The following NOX4 variants were observed in gnomAD, a reference collection of about 807,000 sequenced individuals.
The protein encoded by NOX4 is kidney oxidase-1.
A neutral mutation model predicts 87.6 loss-of-function variants in NOX4; 69 were observed. The observed-to-expected ratio is 0.79, with a 90% CI of 0.65 to 0.96. The LOEUF (loss-of-function observed/expected upper bound fraction) is 0.96. NOX4 is among the 40% of genes least tolerant of loss of function. The pLI, the probability that NOX4 is intolerant of heterozygous loss-of-function variation, is 0.00. For synonymous variants in NOX4, 275 were observed against 238.2 expected (o/e 1.15, Z -1.42); for missense variants, 680 against 681.5 (o/e 1.00, Z 0.02).
the NOX4 span, among the ~76,000 whole-genome samples, chr11:89,568,638 ATCAAACTATCAAAAAC>A: frequency 6.6e-6 from 1 of 152,348 alleles, no homozygotes; most frequent in East Asian, 1.9e-4. Context: ...TGCTGTTCCT[ATCAAACTATCAAAAAC>A]ATTTTCCACA....
intron 7 of NOX4, among the ~76,000 whole-genome samples, chr11:89,427,792 C>T (rs182862130): frequency 1.2e-4 from 18 of 152,176 alleles, no homozygotes; most frequent in Admixed American, 8.5e-4. Context: ...TGGAAAACAC[C>T]ATGCAAGATA....
the NOX4 span, among the ~76,000 whole-genome samples, chr11:89,586,564 T>C: frequency 6.6e-6 from 1 of 152,138 alleles, no homozygotes; most frequent in Non-Finnish European, 1.5e-5. Flanking sequence ...ACTGGTAATA[T>C]AAAGATCAAG....
At chr11:89,580,527 T>C in the NOX4 span, among the ~76,000 whole-genome samples, 1 of 152,162 alleles carries the variant, frequency 6.6e-6, no homozygotes, top group Non-Finnish European at 1.5e-5. Flanking sequence ...TTTAATAAAC[T>C]AAGAATTAAA....
chr11:89,471,375 C>T (rs566850558), intron 2 of NOX4, among the ~76,000 whole-genome samples: 13 of 151,800 alleles, frequency 8.6e-5, no homozygotes, highest in Admixed American at 2.6e-4. Flanking sequence ...TTCTGAGCAA[C>T]GAAAGTCAAC....
the NOX4 span, among the ~76,000 whole-genome samples, chr11:89,547,817 G>T: frequency 6.6e-6 from 1 of 152,040 alleles, no homozygotes; most frequent in Admixed American, 6.6e-5. Context: ...CTGTGGTTGA[G>T]AATCAGCGCT....
the NOX4 span, among the ~76,000 whole-genome samples, chr11:89,560,972 C>A: frequency 1.0e-4 from 7 of 69,436 alleles, no homozygotes; most frequent in South Asian, 9.7e-4. Context: ...GTCTCTCTCT[C>A]TCTCTCTCTC....
chr11:89,537,441 A>G, the NOX4 span, among the ~76,000 whole-genome samples: 1 of 151,796 alleles, frequency 6.6e-6, no homozygotes, highest in East Asian at 1.9e-4. Context: ...ATAGTTATAC[A>G]TAAGTATCTC....
chr11:89,411,315 T>C (rs1942466518), intron 8 of NOX4, among the ~76,000 whole-genome samples: 1 of 152,118 alleles, frequency 6.6e-6, no homozygotes, highest in South Asian at 2.1e-4. Flanking sequence ...GTGGTTGTTA[T>C]GGAGAGGGAC....
At chr11:89,504,978 G>T in the NOX4 span, among the ~76,000 whole-genome samples, 1 of 151,848 alleles carries the variant, frequency 6.6e-6, no homozygotes, top group African/African-American at 2.4e-5. Flanking sequence ...GCTGGGTTTT[G>T]GTTGCCACCT....
intron 2 of NOX4, among the ~76,000 whole-genome samples, chr11:89,484,365 A>G (rs963997835): frequency 2.0e-4 from 30 of 152,276 alleles, no homozygotes; most frequent in Non-Finnish European, 3.7e-4. Context: ...CAAGTCTCAA[A>G]CAACTATAAT....
At chr11:89,411,068 G>A (rs1454124457) in intron 8 of NOX4, among the ~76,000 whole-genome samples, 3 of 152,158 alleles carry the variant, frequency 2.0e-5, no homozygotes, top group African/African-American at 7.2e-5. Flanking sequence ...GCAGAGGCCT[G>A]AGGCCCTGAT....
At chr11:89,531,653 A>C in the NOX4 span, among the ~76,000 whole-genome samples, 2 of 152,200 alleles carry the variant, frequency 1.3e-5, no homozygotes, top group Non-Finnish European at 2.9e-5. Context: ...ATGGTTTAAA[A>C]GTTTATGGCA....
chr11:89,374,816 T>A (rs188396356), intron 11 of NOX4, among the ~76,000 whole-genome samples: 98 of 152,168 alleles, frequency 6.4e-4, no homozygotes, highest in African/African-American at 2.3e-3. Flanking sequence ...ATGGCACAGG[T>A]GAAAGAAAAT....
At position 89,373,500 on chromosome 11, in the gene NOX4, A is replaced by C; in HGVS notation, c.1075-8T>G. On this transcript the variant is annotated splice_region_variant and splice_polypyrimidine_tract_variant and intron_variant, in intron 11 of 17. Coordinates refer to ENST00000263317, the MANE Select transcript of NOX4 (RefSeq NM_016931.5). Reference sequence around the variant, plus strand: ...TTTGGTTTCAGTTGGACACTAAAAAAAAATACTAGAATCAATTGTGATTAA... The same window carrying C: ...TTTGGTTTCAGTTGGACACTAAAAACAAATACTAGAATCAATTGTGATTAA... 4 of 1,522,242 alleles carry C rather than the reference A, an allele frequency of 2.6e-6. No homozygotes were observed. The South Asian group carries it at 4.5e-5, about 17-fold the overall frequency. The allele number at this position is 1,522,242 out of a possible 1,614,324, so 94.3% of individuals were successfully genotyped here.
chr11:89,421,797 C>G, intron 8 of NOX4, 105 bp downstream of exon 8: 1 of 618,258 alleles, frequency 1.6e-6, no homozygotes, highest in Non-Finnish European at 2.8e-6. Context: ...ATTTCTTTCA[C>G]TCTTGACACT....
intron 5 of NOX4, among the ~76,000 whole-genome samples, chr11:89,440,919 G>T (rs1944427448): frequency 6.6e-6 from 1 of 152,086 alleles, no homozygotes; most frequent in African/African-American, 2.4e-5. Flanking sequence ...CCAATTCAGA[G>T]AAATCTATCC....
In NOX4 at chr11:89,325,827, A is replaced by T. The variant is rs1442777289; in HGVS notation, c.*929T>A. The T allele has an allele frequency of 2.0e-5, 3 of 151,080 alleles. No individual in the cohort carries two copies. The Admixed American group carries it at 2.0e-4, about 10-fold the overall frequency. The allele number at this position is 151,080 out of a possible 1,614,324, so 9.4% of individuals were successfully genotyped here. A position where few individuals can be genotyped will look rare whatever the true frequency, so the allele number is the denominator to read the frequency against. ...AAGACAAACCCTACCTGGGAAAAAA[A>T]CAATAATAATAATAGAGACAAAAAT... On this transcript the variant is annotated 3_prime_UTR_variant, in exon 18 of 18. Transcript: ENST00000263317.
Position 89,372,209 on chromosome 11 carries a change from A to G in NOX4, c.1135+1223T>C, listed in dbSNP as rs557644449. ...CACTGCCTCCTTCCCCTCTGCCTTT[A>G]AGTACCTTCAAGTCTTCCCTTGATT... On this transcript the variant is annotated intron_variant, in intron 12 of 17. Coordinates refer to ENST00000263317, the MANE Select transcript of NOX4 (RefSeq NM_016931.5). 6.6e-5 allele frequency among the ~76,000 whole-genome samples: 10 copies of G among 151,296 alleles called. No individual in the cohort carries two copies. In the South Asian group the frequency reaches 2.1e-3, roughly 32 times the overall value.
intron 5 of NOX4, among the ~76,000 whole-genome samples, chr11:89,442,476 T>C (rs751845756): frequency 7.2e-5 from 11 of 152,108 alleles, no homozygotes; most frequent in Non-Finnish European, 1.2e-4. Context: ...AATCTAAATG[T>C]CTGAATAAGA....
Sources: gnomAD v4.1 joint callset for allele counts (sites outside exome capture counted in the v4.1 genomes callset) on GRCh38, gnomAD v4.1.1 for gene constraint, MANE v1.5 for transcripts, NCBI Gene and HGNC (gene_info 2026-07-23, HGNC 2026-07-21) for gene names.